The following GOLGA4 variants were observed in gnomAD, a reference collection of about 807,000 sequenced individuals.
GOLGA4 encodes golgin A4.
GOLGA4 carries 169 observed loss-of-function variants against 265.9 expected under a neutral mutation model. The observed-to-expected ratio is 0.64, with a 90% CI of 0.56 to 0.72. GOLGA4 has a LOEUF of 0.72. Among genes scored for constraint, GOLGA4 ranks in the 30% least tolerant of loss-of-function variants. The pLI is 0.00. For missense variants in GOLGA4, 2,482 were observed against 2,483.4 expected (o/e 1.00, Z 0.01); for synonymous variants, 923 against 855.8 (o/e 1.08, Z -1.37).
intron 2 of GOLGA4, among the ~76,000 whole-genome samples, chr3:37,278,544 A>G (rs1012822521): frequency 6.6e-6 from 1 of 152,150 alleles, no homozygotes; most frequent in South Asian, 2.1e-4. Context: ...GTCCAAAAAG[A>G]CTAAATATAG....
In GOLGA4 at chr3:37,325,773, C is replaced by T. The variant is rs1415298992; in HGVS notation, c.3887C>T (p.Thr1296Ile). 6.2e-6 allele frequency: 10 copies of T among 1,613,306 alleles called. No homozygotes were observed. Among genetic ancestry groups the T allele is most frequent in the Non-Finnish European group, 8.5e-6 (10 of 1,179,498 alleles). Residue 1296 changes from threonine to isoleucine, a missense_variant, in exon 14 of 24, where the codon ACT becomes ATT. Around this residue, in one of 3 missense-constraint regions of GOLGA4, gnomAD observed 1,536 missense variants for 1,483.7 expected, o/e 1.04. Coordinates refer to ENST00000361924, the MANE Select transcript of GOLGA4 (RefSeq NM_002078.5). The part of the protein sequence containing the change: ...NTLNISFQQA[T>I]HQLEEKENQI... ...CTAAATATTTCTTTTCAACAGGCTA[C>T]TCATCAGTTAGAAGAAAAAGAAAAT... is the stretch of plus-strand genomic sequence containing the variant.
intron 4 of GOLGA4, 70 bp from the exon 5 acceptor site, chr3:37,289,165 G>T (rs1053455172): frequency 6.3e-6 from 5 of 790,196 alleles, no homozygotes; most frequent in Admixed American, 2.5e-5. Flanking sequence ...AATTATTTTT[G>T]ACTTGCTTTG....
chr3:37,318,304 C>A (rs1012893142), intron 11 of GOLGA4, among the ~76,000 whole-genome samples: 4 of 152,232 alleles, frequency 2.6e-5, no homozygotes, highest in South Asian at 2.1e-4. Flanking sequence ...GCCTTGGCCT[C>A]CCAAAGTGCT....
Position 37,285,934 on chromosome 3 carries a change from A to AT in GOLGA4, c.478-79dup, listed in dbSNP as rs2096847314. Reference sequence around the variant, plus strand: ...TCTTCTAATTTATTTTTTGACTTTCATAAAGAGAATTTTTTAGTGGACTTT... The same window carrying AT: ...TCTTCTAATTTATTTTTTGACTTTCATTAAAGAGAATTTTTTAGTGGACTTT... On this transcript the variant is annotated intron_variant, in intron 3 of 23. Coordinates refer to ENST00000361924, the MANE Select transcript of GOLGA4 (RefSeq NM_002078.5). 1.8e-5 allele frequency: 15 copies of AT among 816,376 alleles called. No individual in the cohort carries two copies. In the East Asian group the frequency reaches 3.7e-4, roughly 20 times the overall value. 50.6% of individuals were successfully genotyped at this position (816,376 alleles called of 1,614,324 possible).
chr3:37,318,830 T>TTA (rs1419309116), intron 11 of GOLGA4, among the ~76,000 whole-genome samples: 2 of 152,286 alleles, frequency 1.3e-5, no homozygotes, highest in East Asian at 3.9e-4. Flanking sequence ...ATGGAGTCTA[T>TTA]TGTAGCAGTA....
At chr3:37,353,595 C>T (rs914080972) in intron 21 of GOLGA4, among the ~76,000 whole-genome samples, 4 of 151,980 alleles carry the variant, frequency 2.6e-5, no homozygotes, top group African/African-American at 9.7e-5. Flanking sequence ...TGAGTGATAG[C>T]GGTGCGATCG....
At chr3:37,335,238 TA>T in intron 17 of GOLGA4, 72 bp downstream of exon 17, 2 of 775,744 alleles carry the variant, frequency 2.6e-6, no homozygotes, top group South Asian at 1.5e-5. Flanking sequence ...ACTAGCCTAC[TA>T]ACATACATAC....
intron 2 of GOLGA4, among the ~76,000 whole-genome samples, chr3:37,269,397 C>T (rs1444522076): frequency 6.6e-6 from 1 of 152,116 alleles, no homozygotes; most frequent in African/African-American, 2.4e-5. Context: ...AACAGACTTG[C>T]ACATCCTGAA....
chr3:37,331,522 A>G (rs900056873), intron 16 of GOLGA4, among the ~76,000 whole-genome samples: 3 of 152,206 alleles, frequency 2.0e-5, no homozygotes, highest in Admixed American at 6.5e-5. Flanking sequence ...CATATTCTCT[A>G]TGATTCTCCC....
chr3:37,365,229 C>T (rs1377757296), intron 23 of GOLGA4, among the ~76,000 whole-genome samples: 1 of 152,062 alleles, frequency 6.6e-6, no homozygotes, highest in African/African-American at 2.4e-5. Flanking sequence ...GTAGAATAAT[C>T]AGCACACTGG....
chr3:37,283,553 T>TTG (rs1350593632), intron 3 of GOLGA4, among the ~76,000 whole-genome samples: 1 of 152,052 alleles, frequency 6.6e-6, no homozygotes, highest in Non-Finnish European at 1.5e-5. Flanking sequence ...GGGTCTCACT[T>TTG]TGTTGCCCAG....
intron 1 of GOLGA4, 196 bp downstream of exon 1, chr3:37,243,818 C>A (rs1363403719): frequency 1.7e-5 from 10 of 586,568 alleles, no homozygotes; most frequent in Non-Finnish European, 3.0e-5. Flanking sequence ...TTTCCCATCG[C>A]AAAACTTCAT....
chr3:37,251,378 A>G lies in GOLGA4; in HGVS notation c.73-17A>G, dbSNP rs778588241. ...CAATATAGTCTTGCTAATTTGTGCA[A>G]TAATTTTTAAATCTAGGCGTCCTCC... On this transcript the variant is annotated splice_polypyrimidine_tract_variant and intron_variant, in intron 1 of 23. Coordinates refer to ENST00000361924, the MANE Select transcript of GOLGA4 (RefSeq NM_002078.5). 8 of 1,555,138 alleles carry G rather than the reference A, an allele frequency of 5.1e-6. No individual in the cohort carries two copies. The highest frequency in any genetic ancestry group is 4.1e-5 in the African/African-American group (3 of 73,666).
intron 16 of GOLGA4, among the ~76,000 whole-genome samples, chr3:37,329,970 ATTTTAAATGTAATTGAAATGGCTAG>A (rs1462225587): frequency 3.3e-5 from 5 of 152,104 alleles, no homozygotes; most frequent in African/African-American, 1.2e-4. Flanking sequence ...TCTAATAATT[ATTTTAAATGTAATTGAAATGGCTAG>A]AATTCCAAGA....
chr3:37,257,290 G>A (rs2096751516), intron 2 of GOLGA4, among the ~76,000 whole-genome samples: 3 of 152,114 alleles, frequency 2.0e-5, no homozygotes, highest in East Asian at 1.9e-4. Flanking sequence ...TTTTAAGGGA[G>A]TAAAAATCTA....
intron 18 of GOLGA4, 24 bp downstream of exon 18, chr3:37,337,187 TTTTTTC>T: frequency 1.7e-6 from 2 of 1,206,902 alleles, no homozygotes; most frequent in Non-Finnish European, 2.4e-6. Context: ...TTCTTTTTTT[TTTTTTC>T]TTTTTTTTCT....
intron 16 of GOLGA4, among the ~76,000 whole-genome samples, chr3:37,331,329 A>G (rs2096989515): frequency 6.6e-6 from 1 of 152,174 alleles, no homozygotes. Flanking sequence ...TGCTGTATTG[A>G]ATAGTGTAGC....
chr3:37,293,743 C>G (rs1340049087), intron 5 of GOLGA4, among the ~76,000 whole-genome samples: 2 of 152,146 alleles, frequency 1.3e-5, no homozygotes, highest in Non-Finnish European at 2.9e-5. Flanking sequence ...GCCAGGAGCC[C>G]TAAAGCCATG....
At chr3:37,339,368 C>T (rs1352623075) in intron 19 of GOLGA4, among the ~76,000 whole-genome samples, 1 of 152,138 alleles carries the variant, frequency 6.6e-6, no homozygotes, top group Non-Finnish European at 1.5e-5. Flanking sequence ...CATTGATATA[C>T]AGGTTTTTGT....
Sources: allele counts gnomAD v4.1 joint callset (sites outside exome capture counted in the v4.1 genomes callset), GRCh38; gene constraint gnomAD v4.1.1; regional missense constraint gnomAD v4.1.1; transcripts MANE v1.5; gene names NCBI Gene and HGNC (gene_info 2026-07-23, HGNC 2026-07-21).